The following HACE1 variants were observed in gnomAD, a reference collection of about 807,000 sequenced individuals.
The protein encoded by HACE1 is E3 ubiquitin-protein ligase HACE1.
Under a neutral mutation model 118.4 loss-of-function variants are expected in HACE1, and 73 were observed. The ratio of observed to expected loss-of-function variants is 0.62; its 90% confidence interval spans 0.51 to 0.75. The LOEUF (loss-of-function observed/expected upper bound fraction) is 0.75, where lower values mean the gene tolerates loss of function less well. Among genes scored for constraint, HACE1 ranks in the 30% least tolerant of loss-of-function variants. The probability of loss-of-function intolerance (pLI) is 0.00; values close to 1 mark genes in which losing one functional copy is unlikely to be tolerated. For synonymous variants in HACE1, 368 were observed against 374.8 expected, an observed-to-expected ratio of 0.98 and a Z score of 0.21; for missense variants, 749 against 1,102.2, an observed-to-expected ratio of 0.68 and a Z score of 4.54.
At chr6:104,849,054 G>A in intron 4 of HACE1, 88 bp downstream of exon 4, 1 of 787,192 alleles carries the variant, frequency 1.3e-6, no homozygotes, top group Non-Finnish European at 2.3e-6. Context: ...TAAATATCAG[G>A]GATGCGGGAG....
intron 19 of HACE1, among the ~76,000 whole-genome samples, chr6:104,750,805 T>C (rs1777958414): frequency 6.6e-6 from 1 of 152,208 alleles, no homozygotes; most frequent in African/African-American, 2.4e-5. Context: ...TACTGCAACA[T>C]CTGGTGTCCC....
intron 11 of HACE1, chr6:104,786,681 T>C (rs1174705445): frequency 4.0e-5 from 6 of 150,298 alleles, no homozygotes; most frequent in Non-Finnish European, 7.4e-5. Context: ...TAAAGATTAA[T>C]AGTTTATAAG....
intron 7 of HACE1, among the ~76,000 whole-genome samples, chr6:104,805,700 G>C (rs747780778): frequency 6.6e-6 from 1 of 152,138 alleles, no homozygotes; most frequent in African/African-American, 2.4e-5. Flanking sequence ...ACCAGGGCTT[G>C]TCGGGAAGTC....
intron 17 of HACE1, among the ~76,000 whole-genome samples, chr6:104,774,031 GCTAA>G (rs886264098): frequency 5.4e-5 from 8 of 148,906 alleles, no homozygotes; most frequent in African/African-American, 9.8e-5. Flanking sequence ...TCACATATCA[GCTAA>G]CTGAGTTCTT....
intron 1 of HACE1, among the ~76,000 whole-genome samples, chr6:104,856,734 C>A (rs1048885302): frequency 2.6e-5 from 4 of 152,180 alleles, no homozygotes; most frequent in Non-Finnish European, 5.9e-5. Flanking sequence ...TGCGCCCGGC[C>A]TCCAACTTTT....
chr6:104,751,557 G>C (rs1254134130), intron 19 of HACE1, among the ~76,000 whole-genome samples: 1 of 152,114 alleles, frequency 6.6e-6, no homozygotes. Flanking sequence ...TTGAGCCCAG[G>C]AGTTCGAGTC....
chr6:104,808,002 C>T lies in HACE1; in HGVS notation c.617+3309G>A, dbSNP rs529280972. Among the ~76,000 whole-genome samples, 3 of 152,100 alleles carry T rather than the reference C, an allele frequency of 2.0e-5. 1 individual carries two copies. The highest frequency in any genetic ancestry group is 4.1e-4 in the South Asian group (2 of 4,826). On this transcript the variant is annotated intron_variant, in intron 7 of 23. Transcript: ENST00000262903. ...GGGAGTTCGAGACCAGCCCAGGCAA[C>T]ATGGCAAAACGCCATCTCTACTAAA...
At chr6:104,821,833 A>G (rs1363819473) in intron 6 of HACE1, among the ~76,000 whole-genome samples, 1 of 152,210 alleles carries the variant, frequency 6.6e-6, no homozygotes, top group African/African-American at 2.4e-5. Context: ...ATCTTCATAA[A>G]CTACATTAAT....
intron 11 of HACE1, chr6:104,786,126 G>A (rs1782365122): frequency 6.6e-6 from 1 of 152,070 alleles, no homozygotes; most frequent in Non-Finnish European, 1.5e-5. Flanking sequence ...CTTGAGGTCA[G>A]GAATTCGAGA....
intron 6 of HACE1, among the ~76,000 whole-genome samples, chr6:104,819,342 A>G (rs1772445469): frequency 1.3e-5 from 2 of 152,308 alleles, no homozygotes; most frequent in East Asian, 3.9e-4. Flanking sequence ...GAGGCGAAAG[A>G]TCTCTACAAG....
At chr6:104,841,044 C>T (rs1470919279) in intron 5 of HACE1, among the ~76,000 whole-genome samples, 1 of 151,506 alleles carries the variant, frequency 6.6e-6, no homozygotes, top group African/African-American at 2.4e-5. Flanking sequence ...TCACTTGAAC[C>T]CGGGAGGTGG....
intron 11 of HACE1, chr6:104,786,511 G>C (rs952671450): frequency 6.6e-6 from 1 of 151,120 alleles, no homozygotes; most frequent in African/African-American, 2.4e-5. Context: ...GGTTGAAGGG[G>C]GAGGATTGCT....
intron 17 of HACE1, among the ~76,000 whole-genome samples, chr6:104,775,942 C>G (rs556723732): frequency 6.6e-6 from 1 of 152,028 alleles, no homozygotes; most frequent in African/African-American, 2.4e-5. Flanking sequence ...TTAGGAAAAA[C>G]AAGCGACTGT....
At chr6:104,820,322 A>G (rs1342077997) in intron 6 of HACE1, among the ~76,000 whole-genome samples, 10 of 152,208 alleles carry the variant, frequency 6.6e-5, no homozygotes, top group Non-Finnish European at 4.4e-5. Flanking sequence ...AATTGGAACA[A>G]GAGTAAAAAT....
chr6:104,729,796 G>A, intron 23 of HACE1, 32 bp from the exon 24 acceptor site: 1 of 914,358 alleles, frequency 1.1e-6, no homozygotes, highest in Middle Eastern at 2.2e-4. Context: ...CCATTAAACA[G>A]GAAATCTATA....
At chr6:104,822,646 C>A (rs1475566615) in intron 6 of HACE1, among the ~76,000 whole-genome samples, 2 of 151,988 alleles carry the variant, frequency 1.3e-5, no homozygotes, top group South Asian at 2.1e-4. Flanking sequence ...CACTAGAGGT[C>A]GGGAGTTCAA....
intron 7 of HACE1, among the ~76,000 whole-genome samples, chr6:104,799,907 G>GACCCAA (rs922094406): frequency 1.6e-4 from 8 of 49,296 alleles, no homozygotes; most frequent in African/African-American, 1.5e-3. Flanking sequence ...CACGGAGGGT[G>GACCCAA]AGCACCTCAC....
intron 5 of HACE1, 79 bp downstream of exon 5, chr6:104,843,144 C>T: frequency 3.7e-6 from 3 of 813,250 alleles, no homozygotes; most frequent in South Asian, 1.3e-5. Context: ...ACTTGTACTA[C>T]ACTTTGCCTA....
At chr6:104,855,968 A>C (rs935391771) in intron 1 of HACE1, among the ~76,000 whole-genome samples, 2 of 152,218 alleles carry the variant, frequency 1.3e-5, no homozygotes, top group Non-Finnish European at 2.9e-5. Context: ...AACCTAAAGA[A>C]AAAAGTAGGT....
Sources: allele counts gnomAD v4.1 joint callset (sites outside exome capture counted in the v4.1 genomes callset), GRCh38; gene constraint gnomAD v4.1.1; transcripts MANE v1.5; gene names NCBI Gene and HGNC (gene_info 2026-07-23, HGNC 2026-07-21).